The following GTPBP6 variants were observed in gnomAD, a reference collection of about 807,000 sequenced individuals.
GTPBP6 encodes putative GTP-binding protein 6.
In GTPBP6, 33 loss-of-function variants were observed where a neutral mutation model predicts 28.9. The observed-to-expected ratio is 1.14, with a 90% confidence interval of 0.87 to 1.53. The LOEUF is 1.53. Ranked by LOEUF, GTPBP6 falls within the 40% of genes most tolerant of loss-of-function variation. GTPBP6 has a pLI of 0.00. For synonymous variants in GTPBP6, 231 were observed against 192.7 expected, an observed-to-expected ratio of 1.20 and a Z score of -1.65; for missense variants, 507 against 408.3, an observed-to-expected ratio of 1.24 and a Z score of -2.08.
At chrX:317,260 G>A (rs2070455425) in intron 1 of GTPBP6, among the ~76,000 whole-genome samples, 1 of 152,102 alleles carries the variant, frequency 6.6e-6, no homozygotes, top group Non-Finnish European at 1.5e-5. Context: ...AGCGGGACAC[G>A]AGGGCGACCC....
At position 316,905 on chromosome X, in the gene GTPBP6, C is replaced by T. The variant is rs1230829345; in HGVS notation, c.487+9G>A. 7.5e-6 allele frequency: 3 copies of T among 398,512 alleles called. No homozygotes were observed. Among genetic ancestry groups the T allele is most frequent in the Non-Finnish European group, 1.3e-5 (3 of 226,102 alleles). The allele number at this position is 398,512 out of a possible 1,614,324, so 24.7% of individuals were successfully genotyped here. A position where few individuals can be genotyped will look rare whatever the true frequency, so the allele number is the denominator to read the frequency against. On this transcript the variant is annotated intron_variant, in intron 2 of 9. Transcript: ENST00000326153. ...GGTTTGGGGAAGGAGCAGGTCTGGACGGACCCACCTGTCAGGTGCTCAAAG... is the reference window on the plus strand; with the variant it reads ...GGTTTGGGGAAGGAGCAGGTCTGGATGGACCCACCTGTCAGGTGCTCAAAG...
At chrX:315,648 A>C (rs1375476022) in intron 2 of GTPBP6, among the ~76,000 whole-genome samples, 5 of 51,102 alleles carry the variant, frequency 9.8e-5, no homozygotes, top group South Asian at 5.4e-4. Flanking sequence ...GACACACACA[A>C]ACACAGTAAA....
intron 4 of GTPBP6, 47 bp downstream of exon 4, chrX:314,843 C>T (rs2070399591): frequency 2.5e-6 from 1 of 399,886 alleles, no homozygotes; most frequent in African/African-American, 2.1e-5. Flanking sequence ...CGGAGGGGTT[C>T]CGGGAGTGGA....
chrX:316,544 C>T (rs1323029385), intron 2 of GTPBP6, among the ~76,000 whole-genome samples: 1 of 152,138 alleles, frequency 6.6e-6, no homozygotes, highest in Non-Finnish European at 1.5e-5. Context: ...GCATGCTGGA[C>T]CCCACCCTAA....
chrX:307,571 G>T, intron 8 of GTPBP6, 59 bp from the exon 9 acceptor site: 1 of 1,569,928 alleles, frequency 6.4e-7, no homozygotes, highest in African/African-American at 1.3e-5. Flanking sequence ...GACGAAATCA[G>T]GGTCCCCAGG....
At chrX:312,378 G>A (rs776477540) in intron 6 of GTPBP6, 1 of 486,250 alleles carries the variant, frequency 2.1e-6, no homozygotes. Flanking sequence ...GAGAGGTGAT[G>A]GTGTAGATGG....
chrX:315,831 CAGT>C (rs2070425907), intron 2 of GTPBP6, among the ~76,000 whole-genome samples: 3 of 81,930 alleles, frequency 3.7e-5, no homozygotes, highest in African/African-American at 4.8e-5. Context: ...CACACACACA[CAGT>C]AAACACATCC....
chrX:315,813 GACAC>G (rs1170984270), intron 2 of GTPBP6, among the ~76,000 whole-genome samples: 1 of 1,104 alleles, frequency 9.1e-4, no homozygotes, highest in African/African-American at 1.4e-3. Flanking sequence ...TACACACGCA[GACAC>G]ACACACACAC....
chrX:317,564 G>GAGGT, intron 1 of GTPBP6, among the ~76,000 whole-genome samples: 1 of 94,626 alleles, frequency 1.1e-5, no homozygotes, highest in African/African-American at 6.4e-5. Context: ...CTGGGGGGTG[G>GAGGT]GGGGTGGGAC....
At chrX:306,746 A>G (rs1336234091) in intron 9 of GTPBP6, among the ~76,000 whole-genome samples, 1 of 150,556 alleles carries the variant, frequency 6.6e-6, no homozygotes, top group Non-Finnish European at 1.5e-5. Flanking sequence ...GCTGTCAAGC[A>G]CAGATTAGGC....
intron 7 of GTPBP6, among the ~76,000 whole-genome samples, chrX:310,296 AGAG>A (rs1387147498): frequency 7.0e-6 from 1 of 143,250 alleles, no homozygotes; most frequent in East Asian, 2.1e-4. Context: ...ACACAGACAC[AGAG>A]GAGGAGGCCA....
exon 4 of GTPBP6, chrX:314,916 C>T (rs1380385216): frequency 2.6e-4 from 102 of 398,800 alleles, no homozygotes; most frequent in Admixed American, 7.9e-4. Context: ...CCGCCAGGGC[C>T]ACCTGAAGCC....
At chrX:305,220 T>C in intron 9 of GTPBP6, 23 bp from the exon 10 acceptor site, 1 of 1,577,042 alleles carries the variant, frequency 6.3e-7, no homozygotes, top group Non-Finnish European at 8.7e-7. Flanking sequence ...GCGCGTTGTA[T>C]GGAGACAAGC....
intron 2 of GTPBP6, among the ~76,000 whole-genome samples, chrX:316,652 G>C (rs1440290301): frequency 3.3e-5 from 5 of 152,156 alleles, no homozygotes; most frequent in Admixed American, 3.3e-4. Context: ...TACCCTGTTT[G>C]TTGGACTCTA....
exon 1 of GTPBP6, chrX:318,726 C>A (rs1295921034): frequency 1.7e-5 from 6 of 345,302 alleles, no homozygotes; most frequent in Admixed American, 9.6e-5. Flanking sequence ...CGGAGCCGAG[C>A]GGCCGCGGCC....
At chrX:306,712 GTA>G (rs1241811496) in intron 9 of GTPBP6, among the ~76,000 whole-genome samples, 3 of 147,856 alleles carry the variant, frequency 2.0e-5, no homozygotes, top group African/African-American at 7.5e-5. Flanking sequence ...GGCACCTGTT[GTA>G]TGCACAGAAA....
intron 4 of GTPBP6, 128 bp from the exon 5 acceptor site, chrX:314,345 C>G (rs780371145): frequency 1.4e-5 from 11 of 778,280 alleles, no homozygotes; most frequent in South Asian, 1.3e-4. Context: ...TGTTGCGGCC[C>G]CGCTCCGCGT....
At chrX:310,153 G>A (rs1439616417) in intron 7 of GTPBP6, among the ~76,000 whole-genome samples, 1 of 143,330 alleles carries the variant, frequency 7.0e-6, no homozygotes, top group Non-Finnish European at 1.5e-5. Context: ...TCTGGAACCT[G>A]TGAATGGGAC....
chrX:314,970 G>T, exon 4 of GTPBP6: 1 of 398,696 alleles, frequency 2.5e-6, no homozygotes, highest in Non-Finnish European at 4.4e-6. Flanking sequence ...TGTGCAGGAC[G>T]ACCGTGAAGC....
Sources: allele counts gnomAD v4.1 joint callset (sites outside exome capture counted in the v4.1 genomes callset), GRCh38; gene constraint gnomAD v4.1.1; transcripts MANE v1.5; gene names NCBI Gene and HGNC (gene_info 2026-07-23, HGNC 2026-07-21).